The following ODR4 variants were observed in gnomAD, a reference collection of about 807,000 sequenced individuals.
ODR4 encodes the protein protein odr-4 homolog.
ODR4 carries 47 observed loss-of-function variants against 60.2 expected under a neutral mutation model. The observed-to-expected ratio is 0.78, with a 90% CI of 0.62 to 1.00. ODR4 has a LOEUF of 1.00. Ranked by LOEUF, ODR4 falls within the 50% of genes least tolerant of loss-of-function variation. ODR4 has a pLI of 0.00. For synonymous variants in ODR4, 178 were observed against 175.5 expected (o/e 1.01, Z -0.11); for missense variants, 488 against 530.8 (o/e 0.92, Z 0.79).
Position 186,401,225 on chromosome 1 carries a change from G to A in ODR4, c.1000+2181G>A, listed in dbSNP as rs1470766585. On this transcript the variant is annotated intron_variant, in intron 11 of 13. Transcript: ENST00000287859. ...TTAGTAAAATTAATGGCCCCTAACA[G>A]CAGTTGTACTGTTTGTATGTTAAAC... The A allele has an allele frequency of 3.4e-6, 5 of 1,475,836 alleles. No individual in the cohort carries two copies. In the South Asian group the frequency reaches 4.6e-5, roughly 14 times the overall value. The allele number at this position is 1,475,836 out of a possible 1,614,324, so 91.4% of individuals were successfully genotyped here.
intron 4 of ODR4, among the ~76,000 whole-genome samples, chr1:186,386,585 G>T (rs1280992107): frequency 6.6e-6 from 1 of 152,102 alleles, no homozygotes; most frequent in Admixed American, 6.5e-5. Flanking sequence ...AGGCATCTTT[G>T]TGGAAGTAAT....
At chr1:186,417,905 G>A (rs1661633252) in intron 13 of ODR4, among the ~76,000 whole-genome samples, 1 of 152,180 alleles carries the variant, frequency 6.6e-6, no homozygotes, top group Non-Finnish European at 1.5e-5. Flanking sequence ...AAGCTGCAGA[G>A]TTTTGGGAAT....
chr1:186,401,364 T>C, intron 11 of ODR4: 2 of 495,408 alleles, frequency 4.0e-6, no homozygotes, highest in South Asian at 4.5e-5. Flanking sequence ...TAGACTGTAG[T>C]TTGGTGGAAA....
At chr1:186,431,180 G>A in the ODR4 span, among the ~76,000 whole-genome samples, 1 of 152,118 alleles carries the variant, frequency 6.6e-6, no homozygotes, top group African/African-American at 2.4e-5. Context: ...GTGAAAAGTT[G>A]AAGATAATCT....
At chr1:186,382,570 C>T (rs1210368463) in intron 2 of ODR4, among the ~76,000 whole-genome samples, 2 of 152,222 alleles carry the variant, frequency 1.3e-5, no homozygotes, top group Non-Finnish European at 2.9e-5. Flanking sequence ...AAGTTCCCTA[C>T]TGTCATCATT....
Position 186,390,789 on chromosome 1 carries a change from A to C in ODR4, c.553A>C (p.Ile185Leu). 1 of 1,612,896 alleles carries C rather than the reference A, an allele frequency of 6.2e-7. No individual in the cohort carries two copies. The highest frequency in any genetic ancestry group is 8.5e-7 in the Non-Finnish European group (1 of 1,179,038). ...SWLSLECTVH[I>L]NIHIPLSATS... ...GCTTTCTTTAGAGTGTACAGTTCAC[A>C]TTAATATTCACATCCCACTTTCTGC... Residue 185 changes from isoleucine to leucine, a missense_variant, in exon 7 of 14, where the codon ATT (isoleucine) becomes CTT (leucine). Transcript: ENST00000287859.
At chr1:186,416,031 A>G (rs2102093879) in intron 12 of ODR4, among the ~76,000 whole-genome samples, 1 of 152,274 alleles carries the variant, frequency 6.6e-6, no homozygotes, top group African/African-American at 2.4e-5. Context: ...TTTTGTACAA[A>G]TAAATATTTT....
At chr1:186,422,087 A>G (rs1198196976), downstream of ODR4, among the ~76,000 whole-genome samples, 2 of 152,084 alleles carry the variant, frequency 1.3e-5, no homozygotes, top group Non-Finnish European at 2.9e-5. Context: ...TAAAAACCCA[A>G]CTAGGCTGTT....
chr1:186,389,552 GC>G (rs1435089127), intron 5 of ODR4, 35 bp from the exon 6 acceptor site: 7 of 1,461,026 alleles, frequency 4.8e-6, no homozygotes, highest in Non-Finnish European at 5.6e-6. Context: ...TACCAATAAT[GC>G]CTTTTTTGGT....
rs1475152857 is a variant in ODR4 at position 186,397,831 on chromosome 1, G to A, written c.781-482G>A. Among the ~76,000 whole-genome samples the A allele has an allele frequency of 2.0e-5, 3 of 152,186 alleles. No homozygotes were observed. The East Asian group carries it at 5.8e-4, about 29-fold the overall frequency. ...AAGAGGATGGGACTAGTCTATGAAA[G>A]TTTTTGGTTGAAAGTGTGTAAATAT... On this transcript the variant is annotated intron_variant, in intron 9 of 13. Coordinates refer to ENST00000287859, the MANE Select transcript of ODR4 (RefSeq NM_017847.6).
At chr1:186,431,094 G>A in the ODR4 span, among the ~76,000 whole-genome samples, 1 of 152,096 alleles carries the variant, frequency 6.6e-6, no homozygotes, top group African/African-American at 2.4e-5. Flanking sequence ...TTTAGAGAAG[G>A]AACACCTCTT....
At chr1:186,399,801 T>G (rs922344853) in intron 11 of ODR4, among the ~76,000 whole-genome samples, 9 of 152,030 alleles carry the variant, frequency 5.9e-5, no homozygotes, top group Non-Finnish European at 1.2e-4. Flanking sequence ...TCTAACAGAC[T>G]TCATTACGTT....
chr1:186,382,249 T>TAA (rs1189752791), intron 2 of ODR4, among the ~76,000 whole-genome samples: 808 of 79,886 alleles, frequency 0.01, 9 homozygotes, highest in African/African-American at 0.012. Flanking sequence ...TACAAAAAAG[T>TAA]AAAAAAAAAA....
intron 12 of ODR4, among the ~76,000 whole-genome samples, chr1:186,408,000 T>C (rs941863205): frequency 3.9e-5 from 6 of 152,158 alleles, no homozygotes; most frequent in African/African-American, 2.4e-5. Flanking sequence ...CCTTGAAATA[T>C]GTTACCCTGA....
At chr1:186,391,063 T>A (rs1412991792) in intron 7 of ODR4, among the ~76,000 whole-genome samples, 1 of 152,198 alleles carries the variant, frequency 6.6e-6, no homozygotes, top group Non-Finnish European at 1.5e-5. Context: ...TTCAGTTTAA[T>A]AATAACTAAT....
At chr1:186,379,913 C>T in intron 2 of ODR4, 29 bp downstream of exon 2, 1 of 1,215,132 alleles carries the variant, frequency 8.2e-7, no homozygotes, top group Non-Finnish European at 1.2e-6. Flanking sequence ...GCATTTATAA[C>T]TAAATAATTA....
chr1:186,403,623 A>G (rs1661067806), intron 11 of ODR4, among the ~76,000 whole-genome samples: 1 of 151,826 alleles, frequency 6.6e-6, no homozygotes, highest in Admixed American at 6.6e-5. Flanking sequence ...TAGGCTTTTA[A>G]TTTTGGCTAT....
intron 2 of ODR4, 131 bp from the exon 3 acceptor site, chr1:186,382,891 T>A: frequency 1.2e-6 from 1 of 864,234 alleles, no homozygotes; most frequent in Non-Finnish European, 1.7e-6. Flanking sequence ...AATGTGGGTA[T>A]TAATGATTTA....
At chr1:186,401,044 G>A in intron 11 of ODR4, 1 of 1,591,910 alleles carries the variant, frequency 6.3e-7, no homozygotes, top group Non-Finnish European at 8.6e-7. Flanking sequence ...GATTTGCAGG[G>A]TATGGGGATG....
Sources: allele counts gnomAD v4.1 joint callset (sites outside exome capture counted in the v4.1 genomes callset), GRCh38; gene constraint gnomAD v4.1.1; transcripts MANE v1.5; gene names NCBI Gene and HGNC (gene_info 2026-07-23, HGNC 2026-07-21).